The following KIAA0319L variants were observed in gnomAD, a reference collection of about 807,000 sequenced individuals.
KIAA0319L encodes the protein KIAA0319 like, also known as dyslexia-associated protein KIAA0319-like protein.
A neutral mutation model predicts 120.1 loss-of-function variants in KIAA0319L; 55 were observed. The ratio of observed to expected loss-of-function variants is 0.46; its 90% CI spans 0.37 to 0.57. KIAA0319L has a LOEUF of 0.57. KIAA0319L is among the 20% of genes least tolerant of loss of function. The probability of loss-of-function intolerance (pLI) is 0.00; values close to 1 mark genes in which losing one functional copy is unlikely to be tolerated. For missense variants in KIAA0319L, 1,049 were observed against 1,255.3 expected (o/e 0.84, Z 2.48); for synonymous variants, 398 against 471.9 (o/e 0.84, Z 2.03).
chr1:35,465,926 G>A (rs1369971426), intron 7 of KIAA0319L, among the ~76,000 whole-genome samples: 1 of 151,898 alleles, frequency 6.6e-6, no homozygotes, highest in Non-Finnish European at 1.5e-5. Context: ...GCTCCTCCTT[G>A]TCTTCCACCA....
At position 35,444,190 on chromosome 1, in the gene KIAA0319L, A is replaced by G; in HGVS notation, c.2627T>C (p.Ile876Thr). 6.2e-7 allele frequency: 1 copy of G among 1,607,536 alleles called. No homozygotes were observed. Among genetic ancestry groups the G allele is most frequent in the Non-Finnish European group, 8.5e-7 (1 of 1,177,528 alleles). ...ELRKQKADFLIFRALEVNTVT... is the reference protein window; with the variant it reads ...ELRKQKADFLTFRALEVNTVT... ...AGTGTTGACTTCCAAGGCTCTGAAT[A>G]TCAAAAAGTCTGCCTTTTGCTTCCG... Residue 876 changes from isoleucine (I) to threonine (T), a missense_variant, in exon 17 of 21, where the codon ATA becomes ACA. Physicochemically the swap from Ile to Thr is moderately conservative, Grantham distance 89. Coordinates refer to ENST00000325722, the MANE Select transcript of KIAA0319L (RefSeq NM_024874.5).
chr1:35,459,596 CAA>C (rs60312606), intron 9 of KIAA0319L, among the ~76,000 whole-genome samples: 2 of 103,914 alleles, frequency 1.9e-5, no homozygotes. Flanking sequence ...GACTCTGTCT[CAA>C]AAAAAAAAAA....
At chr1:35,526,431 GTA>G (rs71571802) in intron 2 of KIAA0319L, among the ~76,000 whole-genome samples, 10,027 of 125,282 alleles carry the variant, frequency 0.08, 1,083 homozygotes, top group African/African-American at 0.25. Context: ...ATATATATAT[GTA>G]TATATATATA....
At chr1:35,465,200 C>T (rs911322567) in intron 7 of KIAA0319L, among the ~76,000 whole-genome samples, 11 of 152,230 alleles carry the variant, frequency 7.2e-5, no homozygotes, top group African/African-American at 2.4e-4. Context: ...ACTATGCACC[C>T]GGAAAAGCCG....
chr1:35,503,887 CTTTTTTTTT>C (rs1175289801), intron 3 of KIAA0319L, among the ~76,000 whole-genome samples: 1 of 138,656 alleles, frequency 7.2e-6, no homozygotes, highest in Admixed American at 7.3e-5. Flanking sequence ...TTGTGATTTT[CTTTTTTTTT>C]TTTTTTTGAG....
intron 3 of KIAA0319L, among the ~76,000 whole-genome samples, chr1:35,487,857 T>C (rs1644447402): frequency 6.6e-6 from 1 of 152,222 alleles, no homozygotes; most frequent in Non-Finnish European, 1.5e-5. Context: ...TGCCTGCTTT[T>C]TCAGCAGGCC....
At chr1:35,450,149 G>T in intron 14 of KIAA0319L, 144 bp from the exon 15 acceptor site, 2 of 1,080,502 alleles carry the variant, frequency 1.9e-6, no homozygotes, top group Non-Finnish European at 2.8e-6. Context: ...CAGCATTGCA[G>T]CCTACAACTG....
At chr1:35,546,179 CA>C (rs202083585) in intron 2 of KIAA0319L, among the ~76,000 whole-genome samples, 2 of 151,234 alleles carry the variant, frequency 1.3e-5, no homozygotes, top group African/African-American at 4.9e-5. Context: ...ACAAGTGGGA[CA>C]AAAAAGGGTG....
At chr1:35,533,881 A>G (rs558363400) in intron 2 of KIAA0319L, among the ~76,000 whole-genome samples, 2 of 152,216 alleles carry the variant, frequency 1.3e-5, no homozygotes, top group East Asian at 1.9e-4. Flanking sequence ...CTGCACACCC[A>G]CTAATAAACA....
intron 3 of KIAA0319L, among the ~76,000 whole-genome samples, chr1:35,488,850 G>A (rs1022660636): frequency 5.3e-5 from 8 of 152,220 alleles, no homozygotes; most frequent in Non-Finnish European, 1.0e-4. Context: ...ACCCTGGCAA[G>A]AGTAGCTTCA....
At chr1:35,499,116 G>T (rs916612371) in intron 3 of KIAA0319L, among the ~76,000 whole-genome samples, 1 of 152,194 alleles carries the variant, frequency 6.6e-6, no homozygotes, top group Non-Finnish European at 1.5e-5. Context: ...GAAAGAGAGG[G>T]ATGACACCTG....
chr1:35,435,912 T>C (rs1442773746), intron 20 of KIAA0319L, among the ~76,000 whole-genome samples: 2 of 152,148 alleles, frequency 1.3e-5, no homozygotes, highest in African/African-American at 2.4e-5. Context: ...CAGGCTGAGA[T>C]AGCAGGACTA....
At chr1:35,512,524 C>T (rs1021963827) in intron 2 of KIAA0319L, among the ~76,000 whole-genome samples, 3 of 151,914 alleles carry the variant, frequency 2.0e-5, no homozygotes, top group Non-Finnish European at 2.9e-5. Flanking sequence ...AATCTCTAGT[C>T]GGACTGACCA....
chr1:35,510,178 A>AT (rs1645371623), intron 2 of KIAA0319L: 1 of 152,206 alleles, frequency 6.6e-6, no homozygotes, highest in Non-Finnish European at 1.5e-5. Context: ...AATATAAAGA[A>AT]TGTGGAATAG....
chr1:35,510,512 T>A (rs781738877), intron 2 of KIAA0319L: 1 of 151,964 alleles, frequency 6.6e-6, no homozygotes, highest in African/African-American at 2.4e-5. Flanking sequence ...CAAACACGAC[T>A]GTGGGAAACT....
chr1:35,537,100 A>G (rs1646603643), intron 2 of KIAA0319L, among the ~76,000 whole-genome samples: 1 of 152,196 alleles, frequency 6.6e-6, no homozygotes, highest in African/African-American at 2.4e-5. Flanking sequence ...ATAACAGATA[A>G]ACTTTTGCCT....
chr1:35,546,221 G>C (rs558580921), intron 2 of KIAA0319L, among the ~76,000 whole-genome samples: 1 of 152,288 alleles, frequency 6.6e-6, no homozygotes, highest in Non-Finnish European at 1.5e-5. Flanking sequence ...AAAGATGTAA[G>C]GGAGAGAAGG....
chr1:35,506,562 G>A lies in KIAA0319L; in HGVS notation c.666+50C>T. 1.3e-6 allele frequency: 2 copies of A among 1,526,980 alleles called. No homozygotes were observed. The highest frequency in any genetic ancestry group is 1.8e-6 in the Non-Finnish European group (2 of 1,121,828). 94.6% of individuals were successfully genotyped at this position (1,526,980 alleles called of 1,614,324 possible). The stretch of plus-strand genomic sequence containing the variant: ...GCTTCATTGCTCATATATACCAAAT[G>A]TAAGAGCAGATTTAACCATTTCTCT... On this transcript the variant is annotated intron_variant, in intron 3 of 20. Coordinates refer to ENST00000325722, the MANE Select transcript of KIAA0319L (RefSeq NM_024874.5). This position sits in a 1 kb window ranked among gnomAD's most constrained non-coding sequence, Gnocchi z 4.0.
intron 9 of KIAA0319L, 103 bp from the exon 10 acceptor site, chr1:35,456,344 G>A (rs1287192633): frequency 1.1e-5 from 8 of 747,306 alleles, no homozygotes; most frequent in South Asian, 6.4e-5. Flanking sequence ...AATGTGGCAA[G>A]GTTACCTATT....
Sources: gnomAD v4.1 joint callset for allele counts (sites outside exome capture counted in the v4.1 genomes callset) on GRCh38, gnomAD v4.1.1 for gene constraint, Gnocchi (gnomAD v3.1) non-coding constraint, MANE v1.5 for transcripts, NCBI Gene and HGNC (gene_info 2026-07-23, HGNC 2026-07-21) for gene names.